The following SGMS1 variants were observed in gnomAD, a reference collection of about 807,000 sequenced individuals.
SGMS1 encodes the protein phosphatidylcholine:ceramide cholinephosphotransferase 1.
SGMS1 carries 13 observed loss-of-function variants against 46.2 expected under a neutral mutation model. That is an observed-to-expected ratio of 0.28 (90% CI 0.18 to 0.45). The LOEUF is 0.45. SGMS1 is among the 20% of genes least tolerant of loss of function. The probability of loss-of-function intolerance (pLI) is 1.00; values close to 1 mark genes in which losing one functional copy is unlikely to be tolerated. For missense variants in SGMS1, 324 were observed against 519.9 expected (o/e 0.62, Z 3.66); for synonymous variants, 203 against 187.8 (o/e 1.08, Z -0.66).
intron 5 of SGMS1, among the ~76,000 whole-genome samples, chr10:50,452,551 G>T (rs2133663824): frequency 6.6e-6 from 1 of 152,246 alleles, no homozygotes; most frequent in African/African-American, 2.4e-5. Flanking sequence ...CCAATGAGGT[G>T]ACAATAAAGT....
At chr10:50,382,155 T>C (rs1055268708) in intron 6 of SGMS1, among the ~76,000 whole-genome samples, 1 of 152,164 alleles carries the variant, frequency 6.6e-6, no homozygotes, top group Non-Finnish European at 1.5e-5. Context: ...AAATTAAGAA[T>C]TGGGATTACA....
intron 2 of SGMS1, among the ~76,000 whole-genome samples, chr10:50,567,937 G>A (rs549971820): frequency 4.6e-5 from 7 of 151,972 alleles, no homozygotes; most frequent in East Asian, 1.9e-4. Flanking sequence ...TCATTTAAAC[G>A]TTTTTAGAAA....
At chr10:50,347,749 C>A (rs1403510579) in intron 6 of SGMS1, among the ~76,000 whole-genome samples, 3 of 152,176 alleles carry the variant, frequency 2.0e-5, no homozygotes, top group African/African-American at 7.2e-5. Context: ...ATAGGAAACT[C>A]CCTGAGAACC....
At position 50,527,158 on chromosome 10, in the gene SGMS1, G is replaced by A. The variant is rs898204042; in HGVS notation, c.-588-7237C>T. Among the ~76,000 whole-genome samples, 6 of 151,566 alleles carry A rather than the reference G, an allele frequency of 4.0e-5. No homozygotes were observed. The East Asian group carries it at 5.8e-4, about 15-fold the overall frequency. On this transcript the variant is annotated intron_variant, in intron 2 of 10. Coordinates refer to ENST00000361781, the MANE Select transcript of SGMS1 (RefSeq NM_147156.4). ...CAGCTCATCCACAGCCATCCACTCC[G>A]TAAGTAGACATTGACGGTGTGCCCA...
intron 6 of SGMS1, among the ~76,000 whole-genome samples, chr10:50,417,443 T>TAAAAC (rs1309698191): frequency 2.2e-5 from 3 of 136,506 alleles, no homozygotes; most frequent in Non-Finnish European, 4.9e-5. Context: ...TAAAATAAAA[T>TAAAAC]AAAATAAATG....
intron 3 of SGMS1, among the ~76,000 whole-genome samples, chr10:50,481,287 G>A (rs1837474527): frequency 6.6e-6 from 1 of 152,190 alleles, no homozygotes; most frequent in African/African-American, 2.4e-5. Flanking sequence ...GTTCCAGCTG[G>A]CATCAGGTCA....
At chr10:50,456,738 A>C (rs1197290672) in intron 5 of SGMS1, among the ~76,000 whole-genome samples, 1 of 152,236 alleles carries the variant, frequency 6.6e-6, no homozygotes, top group Non-Finnish European at 1.5e-5. Flanking sequence ...TTAGTTAAGT[A>C]GTAAAGCCAA....
chr10:50,322,479 G>C (rs1241369894), intron 8 of SGMS1, among the ~76,000 whole-genome samples: 2 of 152,166 alleles, frequency 1.3e-5, no homozygotes, highest in Non-Finnish European at 2.9e-5. Context: ...CAACACCAAA[G>C]AATTCTCAAA....
Position 50,344,223 on chromosome 10 carries a change from C to G in SGMS1, c.-109G>C. ...CCTCGGCTCGTTCATCCTGTGGGGC[C>G]TCATGAGCAGAGACTTGTTTGGCAA... On this transcript the variant is annotated 5_prime_UTR_variant, in exon 7 of 11. Coordinates refer to ENST00000361781, the MANE Select transcript of SGMS1 (RefSeq NM_147156.4). 7.0e-7 allele frequency: 1 copy of G among 1,420,836 alleles called. No homozygotes were observed. The highest frequency in any genetic ancestry group is 2.4e-5 in the Admixed American group (1 of 42,546). 88.0% of individuals were successfully genotyped at this position (1,420,836 alleles called of 1,614,324 possible).
In SGMS1 at chr10:50,590,240, T is replaced by A. The variant is rs1838527707; in HGVS notation, c.-676A>T. The A allele has an allele frequency of 6.6e-6, 1 of 152,370 alleles. No individual in the cohort carries two copies. Among genetic ancestry groups the A allele is most frequent in the Non-Finnish European group, 1.5e-5 (1 of 68,038 alleles). 9.4% of individuals were successfully genotyped at this position (152,370 alleles called of 1,614,324 possible). On this transcript the variant is annotated 5_prime_UTR_variant, in exon 2 of 11. Transcript: ENST00000361781. ...GCCCATTCAGGGATCGTACATGCTG[T>A]CGTCACGCTGCAAGAATAAGCAAAG... is the stretch of plus-strand genomic sequence containing the variant.
chr10:50,378,571 AT>A (rs1214430762), intron 6 of SGMS1, among the ~76,000 whole-genome samples: 1 of 152,216 alleles, frequency 6.6e-6, no homozygotes, highest in African/African-American at 2.4e-5. Flanking sequence ...ACTCAAAGGC[AT>A]TATTCATACA....
intron 6 of SGMS1, among the ~76,000 whole-genome samples, chr10:50,356,180 G>T (rs564131351): frequency 6.6e-6 from 1 of 152,232 alleles, no homozygotes; most frequent in Non-Finnish European, 1.5e-5. Context: ...GAAAGAAGTA[G>T]ACATAGGAGA....
chr10:50,437,273 T>C (rs1849486623), intron 5 of SGMS1, among the ~76,000 whole-genome samples: 1 of 152,200 alleles, frequency 6.6e-6, no homozygotes, highest in South Asian at 2.1e-4. Context: ...TGATATCTCA[T>C]GTAGCAATAA....
chr10:50,525,724 A>G (rs1005332298), intron 2 of SGMS1, among the ~76,000 whole-genome samples: 68 of 152,212 alleles, frequency 4.5e-4, no homozygotes, highest in African/African-American at 1.6e-3. Flanking sequence ...ACTTACCATC[A>G]TTTTAAGCAC....
At chr10:50,348,757 C>T (rs1196978379) in intron 6 of SGMS1, among the ~76,000 whole-genome samples, 2 of 152,194 alleles carry the variant, frequency 1.3e-5, no homozygotes, top group African/African-American at 2.4e-5. Context: ...TAATTTATAG[C>T]TTCAATGCTA....
chr10:50,345,799 C>T (rs1472250255), intron 6 of SGMS1, among the ~76,000 whole-genome samples: 6 of 152,136 alleles, frequency 3.9e-5, no homozygotes, highest in Admixed American at 2.6e-4. Flanking sequence ...AAATCCGAAA[C>T]GCTTCTGGTC....
chr10:50,592,213 A>G (rs1017992283), intron 1 of SGMS1, among the ~76,000 whole-genome samples: 2 of 152,242 alleles, frequency 1.3e-5, no homozygotes, highest in East Asian at 1.9e-4. Flanking sequence ...AACATGACAT[A>G]GCTTCCAGAA....
chr10:50,472,511 C>G (rs1412424837), intron 3 of SGMS1, among the ~76,000 whole-genome samples: 3 of 152,064 alleles, frequency 2.0e-5, no homozygotes, highest in Admixed American at 6.5e-5. Context: ...CCTGCCCCTA[C>G]TTTTTAAAGG....
chr10:50,410,305 C>A (rs1359578036), intron 6 of SGMS1, among the ~76,000 whole-genome samples: 2 of 152,128 alleles, frequency 1.3e-5, no homozygotes, highest in African/African-American at 2.4e-5. Context: ...ACAAGCAAAC[C>A]TGGGGAAGCC....
Sources: allele counts gnomAD v4.1 joint callset (sites outside exome capture counted in the v4.1 genomes callset), GRCh38; gene constraint gnomAD v4.1.1; transcripts MANE v1.5; gene names NCBI Gene and HGNC (gene_info 2026-07-23, HGNC 2026-07-21).